The following PARD3B variants were observed in gnomAD, a reference collection of about 807,000 sequenced individuals.
The protein encoded by PARD3B is partitioning defective 3 homolog B.
Under a neutral mutation model 130.2 loss-of-function variants are expected in PARD3B, and 103 were observed. That is an observed-to-expected ratio of 0.79 (90% CI 0.67 to 0.93). PARD3B has a LOEUF of 0.93. Ranked by LOEUF, PARD3B falls within the 40% of genes least tolerant of loss-of-function variation. The probability of loss-of-function intolerance (pLI) is 0.00; values close to 1 mark genes in which losing one functional copy is unlikely to be tolerated. For synonymous variants in PARD3B, 583 were observed against 553.2 expected (o/e 1.05, Z -0.76); for missense variants, 1,609 against 1,499.2 (o/e 1.07, Z -1.21).
rs367798098 is a variant in PARD3B at position 204,851,853 on chromosome 2, C to T, written c.223-113299C>T. 2.2e-4 allele frequency among the ~76,000 whole-genome samples: 33 copies of T among 152,030 alleles called. No homozygotes were observed. The East Asian group carries it at 5.8e-3, about 27-fold the overall frequency. On this transcript the variant is annotated intron_variant, in intron 2 of 22. Coordinates refer to ENST00000406610, the MANE Select transcript of PARD3B (RefSeq NM_001302769.2). ...GATTACAGGCACCCACCACCATGCC[C>T]GGTTAATTTTTATATTTTTAGTAGA...
At chr2:205,041,710 G>C (rs916306118) in intron 3 of PARD3B, among the ~76,000 whole-genome samples, 1 of 151,930 alleles carries the variant, frequency 6.6e-6, no homozygotes, top group African/African-American at 2.4e-5. Flanking sequence ...GTTATGCTCA[G>C]GAGAATCATT....
intron 3 of PARD3B, among the ~76,000 whole-genome samples, chr2:204,970,678 T>A (rs1378952737): frequency 6.6e-6 from 1 of 152,220 alleles, no homozygotes; most frequent in Non-Finnish European, 1.5e-5. Flanking sequence ...GTTCAAGCTT[T>A]CATGGGAAAA....
chr2:204,842,287 A>C (rs972655799), intron 2 of PARD3B, among the ~76,000 whole-genome samples: 1 of 152,144 alleles, frequency 6.6e-6, no homozygotes, highest in Non-Finnish European at 1.5e-5. Flanking sequence ...TAAATATTAG[A>C]TTTGTTGACA....
At chr2:205,604,045 G>A (rs2054890954) in intron 22 of PARD3B, among the ~76,000 whole-genome samples, 1 of 152,150 alleles carries the variant, frequency 6.6e-6, no homozygotes, top group African/African-American at 2.4e-5. Flanking sequence ...AGGCTTGCTG[G>A]TGACAAATTC....
rs1451130471 is a variant in PARD3B, at chr2:204,678,671, C to T, written c.121-7510C>T. Among the ~76,000 whole-genome samples, 1 of 152,050 alleles carries T rather than the reference C, an allele frequency of 6.6e-6. No homozygotes were observed. Among genetic ancestry groups the T allele is most frequent in the Non-Finnish European group, 1.5e-5 (1 of 67,996 alleles). ...TCTAGTCTCTGATGCGCAGTTGCTTCTCCTCTCGATGTTCAGCCGCTTGTC... is the reference window on the plus strand; with the variant it reads ...TCTAGTCTCTGATGCGCAGTTGCTTTTCCTCTCGATGTTCAGCCGCTTGTC... On this transcript the variant is annotated intron_variant, in intron 1 of 22. Coordinates refer to ENST00000406610, the MANE Select transcript of PARD3B (RefSeq NM_001302769.2). The surrounding 1 kb of genome is among the most constrained non-coding windows in gnomAD (Gnocchi z 4.2).
intron 1 of PARD3B, among the ~76,000 whole-genome samples, chr2:204,656,320 G>A (rs1016695666): frequency 2.6e-5 from 4 of 152,016 alleles, no homozygotes; most frequent in African/African-American, 7.3e-5. Flanking sequence ...AAAGTCAGTA[G>A]AAGGCATTGA....
chr2:205,400,974 T>C (rs765156252), intron 18 of PARD3B, 39 bp from the exon 19 acceptor site: 3 of 1,430,720 alleles, frequency 2.1e-6, no homozygotes, highest in South Asian at 1.2e-5. Context: ...AAAAACAATG[T>C]GATTATTGTT....
rs534978404 is a variant in PARD3B, at chr2:205,252,939, G to GAAAGAAA, written c.2185+7119_2185+7125dup. ...GTGTCAGTGATTAGCAATGGAAGGG[G>GAAAGAAA]AAAGAAAAGTAAGAAATATTTAGGC... On this transcript the variant is annotated intron_variant, in intron 16 of 22. Coordinates refer to ENST00000406610, the MANE Select transcript of PARD3B (RefSeq NM_001302769.2). Among the ~76,000 whole-genome samples, 144 of 150,586 alleles carry GAAAGAAA rather than the reference G, an allele frequency of 9.6e-4. 3 individuals carry two copies. The South Asian group carries it at 0.018, about 19-fold the overall frequency.
At chr2:204,771,642 C>T (rs2041389116) in intron 2 of PARD3B, among the ~76,000 whole-genome samples, 1 of 152,048 alleles carries the variant, frequency 6.6e-6, no homozygotes, top group African/African-American at 2.4e-5. Context: ...TATAACAAAC[C>T]TGCACATATA....
At position 204,598,656 on chromosome 2, in the gene PARD3B, G is replaced by A. The variant is rs533824436; in HGVS notation, c.120+52537G>A. Among the ~76,000 whole-genome samples, 7 of 152,044 alleles carry A rather than the reference G, an allele frequency of 4.6e-5. 1 individual carries two copies. The South Asian group carries it at 1.5e-3, about 32-fold the overall frequency. On this transcript the variant is annotated intron_variant, in intron 1 of 22. Transcript: ENST00000406610. ...GTATGTATGTGTACAATATTATATT[G>A]CATGCATATATCACAAAATTAAGCA...
At chr2:204,841,448 T>C (rs2044257315) in intron 2 of PARD3B, among the ~76,000 whole-genome samples, 1 of 151,666 alleles carries the variant, frequency 6.6e-6, no homozygotes. Context: ...TTTACTTATT[T>C]GTAAAGTAGA....
intron 4 of PARD3B, among the ~76,000 whole-genome samples, chr2:205,097,268 A>G (rs1424029145): frequency 6.6e-6 from 1 of 152,176 alleles, no homozygotes; most frequent in Non-Finnish European, 1.5e-5. Context: ...AATCCATAAC[A>G]TAAGTAATAA....
intron 1 of PARD3B, among the ~76,000 whole-genome samples, chr2:204,666,615 A>G (rs1432915069): frequency 6.6e-6 from 1 of 152,152 alleles, no homozygotes; most frequent in African/African-American, 2.4e-5. Context: ...GATAAAGTCA[A>G]TAGAATTTGT....
chr2:205,428,851 A>G (rs1184802889), intron 19 of PARD3B, among the ~76,000 whole-genome samples: 1 of 152,160 alleles, frequency 6.6e-6, no homozygotes, highest in East Asian at 1.9e-4. Flanking sequence ...CTGAGAAATA[A>G]TAATAACCCA....
chr2:204,841,683 T>C (rs1036837233), intron 2 of PARD3B, among the ~76,000 whole-genome samples: 2 of 152,128 alleles, frequency 1.3e-5, no homozygotes, highest in African/African-American at 4.8e-5. Flanking sequence ...GGTTTATTTT[T>C]CCCCATTTCT....
chr2:205,205,737 A>G (rs1398559266), intron 15 of PARD3B, among the ~76,000 whole-genome samples: 7 of 152,068 alleles, frequency 4.6e-5, no homozygotes, highest in Non-Finnish European at 8.8e-5. Context: ...CGTTTATGTG[A>G]AGGATTACAT....
intron 1 of PARD3B, among the ~76,000 whole-genome samples, chr2:204,665,368 C>T (rs2035978534): frequency 6.6e-6 from 1 of 152,148 alleles, no homozygotes; most frequent in Non-Finnish European, 1.5e-5. Flanking sequence ...CAAGGATGCT[C>T]TTCCTGGTGT....
chr2:205,615,652 G>T lies in PARD3B; in HGVS notation c.3457G>T (p.Gly1153Ter), dbSNP rs556736288. The T allele has an allele frequency of 1.2e-6, 2 of 1,613,764 alleles. No individual in the cohort carries two copies. Among genetic ancestry groups the T allele is most frequent in the East Asian group, 4.5e-5 (2 of 44,838 alleles). Residue 1153 changes from glycine (G) to a stop codon, truncating the protein, a stop_gained, in exon 23 of 23, where the codon GGA becomes TGA. Transcript: ENST00000406610. LOFTEE classifies it high-confidence loss of function. Reference protein sequence around the residue: ...YPPPPAPQHKGPFRQDVPPSP... With the variant: ...YPPPPAPQHK ...ACCCCCGCCAGCTCCCCAGCACAAA[G>T]GACCCTTTCGACAAGACGTTCCGCC...
chr2:205,395,473 G>T (rs963276471), intron 18 of PARD3B, among the ~76,000 whole-genome samples: 7 of 151,956 alleles, frequency 4.6e-5, no homozygotes, highest in Non-Finnish European at 2.9e-5. Context: ...CTCTATCTCT[G>T]TTGTCCACCT....
Sources: gnomAD v4.1 joint callset for allele counts (sites outside exome capture counted in the v4.1 genomes callset) on GRCh38, gnomAD v4.1.1 for gene constraint, Gnocchi (gnomAD v3.1) non-coding constraint, MANE v1.5 for transcripts, NCBI Gene and HGNC (gene_info 2026-07-23, HGNC 2026-07-21) for gene names.